Variants in CLASP1 observed in about 807,000 individuals in gnomAD.
CLASP1 encodes the protein cytoplasmic linker associated protein 1.
In CLASP1, 38 loss-of-function variants were observed where a neutral mutation model predicts 192.3. The ratio of observed to expected loss-of-function variants is 0.20; its 90% confidence interval spans 0.15 to 0.26. The LOEUF (loss-of-function observed/expected upper bound fraction) is 0.26, where lower values mean the gene tolerates loss of function less well. Among genes scored for constraint, CLASP1 ranks in the 10% least tolerant of loss-of-function variants. The pLI is 1.00. For synonymous variants in CLASP1, 691 were observed against 712.8 expected, an observed-to-expected ratio of 0.97 and a Z score of 0.49; for missense variants, 1,433 against 1,932.5, an observed-to-expected ratio of 0.74 and a Z score of 4.85.
intron 6 of CLASP1, among the ~76,000 whole-genome samples, chr2:121,518,995 G>A (rs974807371): frequency 6.6e-6 from 1 of 152,230 alleles, no homozygotes; most frequent in African/African-American, 2.4e-5. Context: ...TCTGCTCAGA[G>A]CAAATCTCAA....
chr2:121,397,286 G>GA lies in CLASP1; in HGVS notation c.2980-4dup, dbSNP rs775653013. On this transcript the variant is annotated splice_region_variant and splice_polypyrimidine_tract_variant and intron_variant, in intron 29 of 39. Coordinates refer to ENST00000263710, the Ensembl canonical transcript of CLASP1. Reference sequence around the variant, plus strand: ...TATTTCAGGATTGCAACTTTGACCTGAAAGAACCAATAATTATAAACATTA... The same window carrying GA: ...TATTTCAGGATTGCAACTTTGACCTGAAAAGAACCAATAATTATAAACATTA... 4.0e-5 allele frequency: 65 copies of GA among 1,612,160 alleles called. 2 individuals carry two copies. In the South Asian group the frequency reaches 6.5e-4, roughly 16 times the overall value.
intron 2 of CLASP1, among the ~76,000 whole-genome samples, chr2:121,542,158 T>C (rs1339105945): frequency 6.6e-6 from 1 of 152,172 alleles, no homozygotes; most frequent in Non-Finnish European, 1.5e-5. Flanking sequence ...GTAGGTATCA[T>C]CATCACTCAC....
intron 37 of CLASP1, among the ~76,000 whole-genome samples, chr2:121,350,962 A>G (rs1368803130): frequency 6.6e-6 from 1 of 152,270 alleles, no homozygotes; most frequent in African/African-American, 2.4e-5. Context: ...TAACCTTTGT[A>G]GCAAGGAAAA....
intron 1 of CLASP1, among the ~76,000 whole-genome samples, chr2:121,624,531 C>T (rs1024957541): frequency 5.3e-5 from 8 of 152,146 alleles, no homozygotes; most frequent in African/African-American, 1.9e-4. Flanking sequence ...ATTCTCCTGC[C>T]TCAGCCTCCC....
intron 1 of CLASP1, among the ~76,000 whole-genome samples, chr2:121,628,628 C>A (rs1271611299): frequency 1.3e-5 from 2 of 150,358 alleles, no homozygotes; most frequent in African/African-American, 4.9e-5. Context: ...CAGTCAAGAT[C>A]ACCCCACTGC....
At chr2:121,564,568 G>A (rs904761707) in intron 2 of CLASP1, among the ~76,000 whole-genome samples, 5 of 152,144 alleles carry the variant, frequency 3.3e-5, no homozygotes, top group Non-Finnish European at 5.9e-5. Flanking sequence ...TCTATGGTAC[G>A]ATATTTTATT....
chr2:121,419,705 C>A (rs776255982), intron 22 of CLASP1, among the ~76,000 whole-genome samples: 4 of 151,884 alleles, frequency 2.6e-5, no homozygotes, highest in Non-Finnish European at 4.4e-5. Flanking sequence ...CTTGTTTCTC[C>A]ATCTGAGAAA....
chr2:121,399,793 T>C (rs758901773), intron 28 of CLASP1, among the ~76,000 whole-genome samples: 6 of 152,188 alleles, frequency 3.9e-5, no homozygotes, highest in African/African-American at 4.8e-5. Context: ...ACTCCTACCA[T>C]TCCTAAATAT....
intron 1 of CLASP1, among the ~76,000 whole-genome samples, chr2:121,622,826 T>C (rs1466017849): frequency 2.6e-5 from 4 of 152,230 alleles, no homozygotes; most frequent in African/African-American, 7.2e-5. Flanking sequence ...AAATAGAGAT[T>C]ATCTTACTTC....
chr2:121,565,774 A>G (rs534665111), intron 2 of CLASP1, among the ~76,000 whole-genome samples: 13 of 152,368 alleles, frequency 8.5e-5, no homozygotes, highest in African/African-American at 2.9e-4. Context: ...TGCATGCTCA[A>G]GTCTAGATGC....
At chr2:121,503,571 T>C (rs533394220) in intron 7 of CLASP1, among the ~76,000 whole-genome samples, 1 of 152,360 alleles carries the variant, frequency 6.6e-6, no homozygotes, top group South Asian at 2.1e-4. Flanking sequence ...ACAAAATGTG[T>C]ATCTTATGAG....
chr2:121,519,338 T>C (rs758157155), intron 6 of CLASP1, among the ~76,000 whole-genome samples: 8 of 152,104 alleles, frequency 5.3e-5, no homozygotes, highest in African/African-American at 9.7e-5. Context: ...GAGTGAGTGA[T>C]TGCAGCAGGC....
At chr2:121,599,810 C>T (rs1277181698) in intron 2 of CLASP1, among the ~76,000 whole-genome samples, 1 of 150,640 alleles carries the variant, frequency 6.6e-6, no homozygotes, top group East Asian at 2.0e-4. Flanking sequence ...ATCCCAGCTA[C>T]TCAGGAGGCT....
At chr2:121,624,402 T>A (rs922127141) in intron 1 of CLASP1, among the ~76,000 whole-genome samples, 3 of 151,802 alleles carry the variant, frequency 2.0e-5, no homozygotes, top group Non-Finnish European at 4.4e-5. Flanking sequence ...GTGGCAGGGG[T>A]TTTTTTCTTC....
chr2:121,622,516 C>T (rs1396177175), intron 1 of CLASP1, among the ~76,000 whole-genome samples: 3 of 151,120 alleles, frequency 2.0e-5, no homozygotes, highest in East Asian at 2.0e-4. Context: ...TTGCAGTGAG[C>T]TGATACTATG....
intron 23 of CLASP1, among the ~76,000 whole-genome samples, chr2:121,417,255 C>T (rs1447303690): frequency 6.6e-6 from 1 of 152,072 alleles, no homozygotes; most frequent in Admixed American, 6.5e-5. Flanking sequence ...ATGCCAGATT[C>T]CAAAGGATGC....
intron 7 of CLASP1, among the ~76,000 whole-genome samples, chr2:121,509,238 C>T (rs547587391): frequency 6.6e-5 from 10 of 152,248 alleles, no homozygotes; most frequent in South Asian, 6.2e-4. Flanking sequence ...TGCAGTGGCA[C>T]GATCCCAGCT....
At chr2:121,424,354 G>A (rs2080036452) in intron 22 of CLASP1, among the ~76,000 whole-genome samples, 1 of 152,158 alleles carries the variant, frequency 6.6e-6, no homozygotes. Context: ...TGAGATAAAT[G>A]AATAAATGAG....
chr2:121,579,726 C>T (rs1423869783), intron 2 of CLASP1, among the ~76,000 whole-genome samples: 2 of 152,158 alleles, frequency 1.3e-5, no homozygotes, highest in African/African-American at 4.8e-5. Context: ...AGAAATCAAA[C>T]CAAACTGCCA....
Sources: allele counts gnomAD v4.1 joint callset (sites outside exome capture counted in the v4.1 genomes callset), GRCh38; gene constraint gnomAD v4.1.1; transcripts MANE v1.5; gene names NCBI Gene and HGNC (gene_info 2026-07-23, HGNC 2026-07-21).